The following PARD3 variants were observed in gnomAD, a reference collection of about 807,000 sequenced individuals.
The protein encoded by PARD3 is par-3 family cell polarity regulator, also known as partitioning defective 3 homolog.
Under a neutral mutation model 155.4 loss-of-function variants are expected in PARD3, and 75 were observed. That is an observed-to-expected ratio of 0.48 (90% CI 0.40 to 0.58). The LOEUF (loss-of-function observed/expected upper bound fraction) is 0.58. Ranked by LOEUF, PARD3 falls within the 20% of genes least tolerant of loss-of-function variation. The pLI is 0.00. For missense variants in PARD3, 1,642 were observed against 1,721.7 expected, an observed-to-expected ratio of 0.95 and a Z score of 0.82; for synonymous variants, 576 against 610.5, an observed-to-expected ratio of 0.94 and a Z score of 0.83.
At chr10:34,768,354 T>TAACTCAAAGCAAAGGCGGGAC (rs1838386638) in intron 1 of PARD3, among the ~76,000 whole-genome samples, 2 of 129,540 alleles carry the variant, frequency 1.5e-5, no homozygotes, top group African/African-American at 6.6e-5. Context: ...AAAGGCGGGA[T>TAACTCAAAGCAAAGGCGGGAC]AACTCGAAGC....
chr10:34,752,276 T>TA (rs75199461), intron 1 of PARD3, among the ~76,000 whole-genome samples: 3,888 of 142,342 alleles, frequency 0.027, 128 homozygotes, highest in African/African-American at 0.087. Context: ...GCCTTTAGCT[T>TA]AAAAAAAAAA....
chr10:34,663,156 T>C (rs1239990920), intron 2 of PARD3, among the ~76,000 whole-genome samples: 1 of 152,052 alleles, frequency 6.6e-6, no homozygotes, highest in Admixed American at 6.6e-5. Flanking sequence ...AATAATTTCA[T>C]TGTACATTTA....
At chr10:34,263,157 G>A (rs926292380) in intron 22 of PARD3, among the ~76,000 whole-genome samples, 13 of 152,198 alleles carry the variant, frequency 8.5e-5, no homozygotes, top group Non-Finnish European at 1.5e-4. Flanking sequence ...AAGCATATGT[G>A]TTTTCCTGAG....
chr10:34,410,688 C>T (rs780022264), intron 5 of PARD3, among the ~76,000 whole-genome samples: 2 of 152,168 alleles, frequency 1.3e-5, no homozygotes, highest in South Asian at 2.1e-4. Flanking sequence ...GGACACAATT[C>T]TCCATTTGTC....
At chr10:34,543,474 C>T (rs1478092819) in intron 2 of PARD3, among the ~76,000 whole-genome samples, 2 of 152,128 alleles carry the variant, frequency 1.3e-5, no homozygotes, top group East Asian at 3.9e-4. Flanking sequence ...TAAACCAAAA[C>T]GCAACTTAAA....
At chr10:34,235,895 C>T (rs1237198705) in intron 22 of PARD3, among the ~76,000 whole-genome samples, 1 of 152,122 alleles carries the variant, frequency 6.6e-6, no homozygotes, top group Non-Finnish European at 1.5e-5. Flanking sequence ...CATGGTATTT[C>T]TCTCTAAAAA....
chr10:34,477,218 T>G (rs759329501), intron 3 of PARD3, among the ~76,000 whole-genome samples: 7 of 152,348 alleles, frequency 4.6e-5, no homozygotes, highest in Admixed American at 2.0e-4. Context: ...CCACTCCTTA[T>G]CTCAAATTTT....
At chr10:34,400,155 T>C (rs1465513227) in intron 6 of PARD3, among the ~76,000 whole-genome samples, 2 of 152,198 alleles carry the variant, frequency 1.3e-5, no homozygotes, top group Non-Finnish European at 2.9e-5. Context: ...ATTAATTTTC[T>C]TTTTAGAAAG....
chr10:34,413,629 T>G (rs1845356005), intron 5 of PARD3, among the ~76,000 whole-genome samples: 1 of 152,168 alleles, frequency 6.6e-6, no homozygotes, highest in African/African-American at 2.4e-5. Flanking sequence ...ATCACCACGC[T>G]GAGTTTCGCA....
intron 20 of PARD3, chr10:34,312,430 A>T: frequency 6.3e-7 from 1 of 1,597,158 alleles, no homozygotes; most frequent in Non-Finnish European, 8.6e-7. Context: ...AGGTGAGGAA[A>T]GCAACAAGAA....
At chr10:34,755,717 G>T (rs1281476556) in intron 1 of PARD3, among the ~76,000 whole-genome samples, 1 of 152,150 alleles carries the variant, frequency 6.6e-6, no homozygotes, top group Non-Finnish European at 1.5e-5. Context: ...ACTGGGAATT[G>T]AGATGAGGAA....
chr10:34,488,028 C>T (rs2133283090), intron 3 of PARD3, among the ~76,000 whole-genome samples: 1 of 152,216 alleles, frequency 6.6e-6, no homozygotes. Context: ...ACCTTTACTC[C>T]ACAATACTAT....
At chr10:34,719,298 A>G (rs965910145) in intron 1 of PARD3, among the ~76,000 whole-genome samples, 1 of 152,232 alleles carries the variant, frequency 6.6e-6, no homozygotes, top group Non-Finnish European at 1.5e-5. Flanking sequence ...CCAGAATTTG[A>G]GGTTTCAAGG....
At chr10:34,342,899 T>C (rs1043221122) in intron 15 of PARD3, among the ~76,000 whole-genome samples, 1 of 152,098 alleles carries the variant, frequency 6.6e-6, no homozygotes, top group African/African-American at 2.4e-5. Flanking sequence ...ACTTTCTCTT[T>C]GATTTCAAAT....
intron 1 of PARD3, among the ~76,000 whole-genome samples, chr10:34,702,121 C>A (rs946292828): frequency 6.6e-6 from 1 of 151,688 alleles, no homozygotes; most frequent in African/African-American, 2.4e-5. Flanking sequence ...GCTGAGATTG[C>A]GCCACTGCAC....
intron 3 of PARD3, among the ~76,000 whole-genome samples, chr10:34,481,101 C>T (rs2079057976): frequency 6.6e-6 from 1 of 152,058 alleles, no homozygotes. Flanking sequence ...CACGCCCAGC[C>T]CCTGCAGGTT....
At chr10:34,315,609 C>A (rs1158548147) in intron 20 of PARD3, among the ~76,000 whole-genome samples, 4 of 152,156 alleles carry the variant, frequency 2.6e-5, no homozygotes, top group Non-Finnish European at 4.4e-5. Context: ...TGATGGGCAG[C>A]AGCCTTATTT....
At chr10:34,333,172 T>C (rs12777139) in intron 18 of PARD3, among the ~76,000 whole-genome samples, 2 of 152,164 alleles carry the variant, frequency 1.3e-5, no homozygotes, top group Non-Finnish European at 2.9e-5. Context: ...TGTGAGTATA[T>C]ATCATGAATA....
At chr10:34,656,512 A>T (rs1367685541) in intron 2 of PARD3, among the ~76,000 whole-genome samples, 2 of 152,222 alleles carry the variant, frequency 1.3e-5, no homozygotes, top group Non-Finnish European at 2.9e-5. Flanking sequence ...GTTCGGAAGA[A>T]GGCGAGAGTG....
Sources: allele counts gnomAD v4.1 joint callset (sites outside exome capture counted in the v4.1 genomes callset), GRCh38; gene constraint gnomAD v4.1.1; transcripts MANE v1.5; gene names NCBI Gene and HGNC (gene_info 2026-07-23, HGNC 2026-07-21).